Variants in UGT1A10 observed in about 807,000 individuals in gnomAD.
UGT1A10 encodes the protein UDP glucuronosyltransferase family 1 member A10.
A neutral mutation model predicts 45.8 loss-of-function variants in UGT1A10; 49 were observed. That is an observed-to-expected ratio of 1.07 (90% CI 0.85 to 1.36). UGT1A10 has a LOEUF of 1.36. Ranked by LOEUF, UGT1A10 falls within the 40% of genes most tolerant of loss-of-function variation. The pLI is 0.00. For synonymous variants in UGT1A10, 284 were observed against 249.7 expected (o/e 1.14, Z -1.29); for missense variants, 745 against 668.6 (o/e 1.11, Z -1.26).
Position 233,659,680 on chromosome 2 carries a change from A to T in UGT1A10, c.855+22303A>T, listed in dbSNP as rs74401574. On this transcript the variant is annotated intron_variant, in intron 1 of 4. Coordinates refer to ENST00000344644, the MANE Select transcript of UGT1A10 (RefSeq NM_019075.4). ...GCACTCGATTTAACTTAATGGAAAT[A>T]CATCATAATTACTGTCTGACATTTT... 3.2e-4 allele frequency among the ~76,000 whole-genome samples: 49 copies of T among 152,292 alleles called. 1 individual carries two copies. In the East Asian group the frequency reaches 7.9e-3, roughly 25 times the overall value.
In UGT1A10 at chr2:233,734,701, C is replaced by T. The variant is rs1205669329; in HGVS notation, c.856-32333C>T. On this transcript the variant is annotated intron_variant, in intron 1 of 4. Coordinates refer to ENST00000344644, the MANE Select transcript of UGT1A10 (RefSeq NM_019075.4). ...CTGATTTAAATGTGTCCCAGAGATT[C>T]TGGTATGTTGTGTCTTTGTTCTCGT... Among the ~76,000 whole-genome samples, 1,503 of 152,228 alleles carry T rather than the reference C, an allele frequency of 9.9e-3. 21 individuals carry two copies. The highest frequency in any genetic ancestry group is 0.035 in the African/African-American group (1,434 of 41,552).
intron 1 of UGT1A10, among the ~76,000 whole-genome samples, chr2:233,663,920 A>G (rs1209441237): frequency 3.9e-5 from 6 of 152,192 alleles, no homozygotes; most frequent in Admixed American, 3.9e-4. Context: ...GTAGAATGAT[A>G]TAACTTCCAA....
intron 1 of UGT1A10, among the ~76,000 whole-genome samples, chr2:233,645,462 A>G (rs1319668650): frequency 6.6e-6 from 1 of 152,220 alleles, no homozygotes; most frequent in Non-Finnish European, 1.5e-5. Context: ...CTCATCTGAG[A>G]CAAGGCAAGT....
chr2:233,767,172 A>G lies in UGT1A10; in HGVS notation c.987+7A>G, dbSNP rs375883067. On this transcript the variant is annotated splice_region_variant and intron_variant, in intron 2 of 4. Coordinates refer to ENST00000344644, the MANE Select transcript of UGT1A10 (RefSeq NM_019075.4). The stretch of plus-strand genomic sequence containing the variant: ...GGGCAAAATCCCTCAGACAGTAAGA[A>G]GATTCTATACCATGGCCTCATATCT... The G allele has an allele frequency of 1.2e-6, 2 of 1,614,098 alleles. No individual in the cohort carries two copies. The highest frequency in any genetic ancestry group is 3.3e-5 in the Admixed American group (2 of 60,024).
chr2:233,642,595 G>A (rs933816458), intron 1 of UGT1A10, among the ~76,000 whole-genome samples: 6 of 152,152 alleles, frequency 3.9e-5, no homozygotes, highest in African/African-American at 1.4e-4. Context: ...TTCAGTGTCT[G>A]GGCATTGAAG....
intron 1 of UGT1A10, chr2:233,691,079 T>G (rs2075027628): frequency 1.0e-6 from 1 of 986,090 alleles, no homozygotes; most frequent in African/African-American, 1.7e-5. Flanking sequence ...ATGTGAAGTT[T>G]GTAGCATCTC....
chr2:233,710,872 T>TA (rs1227633401), intron 1 of UGT1A10, among the ~76,000 whole-genome samples: 2 of 152,242 alleles, frequency 1.3e-5, no homozygotes, highest in African/African-American at 4.8e-5. Flanking sequence ...TTAAAAAAGT[T>TA]AAACAGTTTA....
chr2:233,683,553 C>T (rs989486799), intron 1 of UGT1A10, among the ~76,000 whole-genome samples: 1 of 152,058 alleles, frequency 6.6e-6, no homozygotes, highest in Admixed American at 6.6e-5. Context: ...TGAGATTGGC[C>T]TTCTTTTGCT....
chr2:233,770,293 A>G (rs1284543381), intron 4 of UGT1A10: 4 of 152,108 alleles, frequency 2.6e-5, no homozygotes, highest in African/African-American at 9.7e-5. Flanking sequence ...GAAGTGGAAA[A>G]TTTTCAAACA....
chr2:233,637,525 A>G (rs1033106477), intron 1 of UGT1A10, 148 bp downstream of exon 1: 44 of 1,410,088 alleles, frequency 3.1e-5, no homozygotes, highest in Admixed American at 5.0e-5. Context: ...GAATTCATGT[A>G]CTCATCAATT....
intron 1 of UGT1A10, among the ~76,000 whole-genome samples, chr2:233,694,361 G>A (rs1283070804): frequency 6.6e-6 from 1 of 151,520 alleles, no homozygotes; most frequent in African/African-American, 2.4e-5. Context: ...AGCTAAGAAT[G>A]GTTTTTGTAG....
chr2:233,727,966 G>A (rs1025938754), intron 1 of UGT1A10, among the ~76,000 whole-genome samples: 37 of 152,228 alleles, frequency 2.4e-4, no homozygotes, highest in African/African-American at 8.2e-4. Context: ...TCATCCTGAG[G>A]TGACCAGGAC....
At position 233,767,899 on chromosome 2, in the gene UGT1A10, G is replaced by T; in HGVS notation, c.1038G>T (p.Thr346=). Residue 346 remains threonine (T), a synonymous_variant, in exon 3 of 5, where the codon ACG becomes ACT. Transcript: ENST00000344644. The part of the protein sequence containing the change: ...GTRPSNLANN[T]ILVKWLPQND... ...GACCATCGAATCTTGCGAACAACAC[G>T]ATACTTGTTAAGTGGCTACCCCAAA... 1 of 1,614,142 alleles carries T rather than the reference G, an allele frequency of 6.2e-7. No individual in the cohort carries two copies. The highest frequency in any genetic ancestry group is 8.5e-7 in the Non-Finnish European group (1 of 1,180,040).
At chr2:233,723,218 T>A (rs573450645) in intron 1 of UGT1A10, among the ~76,000 whole-genome samples, 28 of 123,768 alleles carry the variant, frequency 2.3e-4, no homozygotes, top group Admixed American at 2.1e-3. Context: ...ACTGACTTTT[T>A]TTTTTTTTTT....
Position 233,636,767 on chromosome 2 carries a change from C to G in UGT1A10, c.245C>G (p.Thr82Ser). The G allele has an allele frequency of 6.2e-7, 1 of 1,614,210 alleles. No homozygotes were observed. Among genetic ancestry groups the G allele is most frequent in the East Asian group, 2.2e-5 (1 of 44,876 alleles). The change falls in exon 1 of 5, where the codon ACT (threonine) becomes AGT (serine). Residue 82 changes from threonine (T) to serine (S), a missense_variant. By Grantham distance (58) the Thr-to-Ser change is moderately conservative. Transcript: ENST00000344644. ...GTGAAGACTTACTCAACCTCGTACA[C>G]TCTGGAAGATCAGAACCGGGAATTC... ...CTVKTYSTSY[T>S]LEDQNREFMV...
intron 1 of UGT1A10, chr2:233,743,237 G>A: frequency 2.4e-6 from 1 of 420,010 alleles, no homozygotes; most frequent in Non-Finnish European, 4.6e-6. Context: ...TATTATGAAG[G>A]ACTTTAACTC....
intron 1 of UGT1A10, among the ~76,000 whole-genome samples, chr2:233,640,436 G>A (rs902645465): frequency 9.9e-5 from 15 of 151,702 alleles, no homozygotes; most frequent in African/African-American, 3.4e-4. Context: ...CCACAATATC[G>A]TTATCACACC....
rs1393743923 is a variant in UGT1A10, at chr2:233,745,878, T to C, written c.856-21156T>C. 2.0e-5 allele frequency among the ~76,000 whole-genome samples: 3 copies of C among 150,678 alleles called. 1 individual carries two copies. Among genetic ancestry groups the C allele is most frequent in the African/African-American group, 7.4e-5 (3 of 40,514 alleles). On this transcript the variant is annotated intron_variant, in intron 1 of 4. Transcript: ENST00000344644. ...AAGCTGCTGACCAAGGTTCCAGAAGTGTTGGTGGGGTGGCGTTTTTCAGGG... is the reference window on the plus strand; with the variant it reads ...AAGCTGCTGACCAAGGTTCCAGAAGCGTTGGTGGGGTGGCGTTTTTCAGGG...
At chr2:233,713,517 A>G (rs191789950) in intron 1 of UGT1A10, 2 of 1,613,958 alleles carry the variant, frequency 1.2e-6, no homozygotes, top group Non-Finnish European at 1.7e-6. Context: ...CTTGAGGAAC[A>G]TTCCATGTGA....
Sources: allele counts gnomAD v4.1 joint callset (sites outside exome capture counted in the v4.1 genomes callset), GRCh38; gene constraint gnomAD v4.1.1; transcripts MANE v1.5; gene names NCBI Gene and HGNC (gene_info 2026-07-23, HGNC 2026-07-21).